APP: variants seen among roughly 807,000 people sequenced by gnomAD.
The protein encoded by APP is amyloid-beta precursor protein.
In APP, 31 loss-of-function variants were observed where a neutral mutation model predicts 101.4. The ratio of observed to expected loss-of-function variants is 0.31; its 90% confidence interval spans 0.23 to 0.41. APP has a LOEUF of 0.41. Ranked by LOEUF, APP falls within the 10% of genes least tolerant of loss-of-function variation. The pLI is 1.00. For synonymous variants in APP, 366 were observed against 364.4 expected (o/e 1.00, Z -0.05); for missense variants, 839 against 1,003.7 (o/e 0.84, Z 2.22).
chr21:25,930,359 C>T (rs1262372231), intron 13 of APP, among the ~76,000 whole-genome samples: 1 of 152,174 alleles, frequency 6.6e-6, no homozygotes, highest in African/African-American at 2.4e-5. Context: ...AGCAAAAACT[C>T]CGCCATGCTG....
intron 13 of APP, among the ~76,000 whole-genome samples, chr21:25,917,560 G>A (rs909859132): frequency 1.3e-5 from 2 of 151,944 alleles, no homozygotes; most frequent in African/African-American, 2.4e-5. Flanking sequence ...AGAATTTAAC[G>A]GTCACATCTT....
intron 11 of APP, among the ~76,000 whole-genome samples, chr21:25,969,905 A>AGAGGGGAGGGGAGGGGAGGGTAAGGGGGG (rs796868333): frequency 1.3e-5 from 1 of 79,360 alleles, no homozygotes; most frequent in Non-Finnish European, 2.3e-5. Context: ...AGAGAAGAGA[A>AGAGGGGAGGGGAGGGGAGGGTAAGGGGGG]GAGGGGAGGG....
chr21:26,104,699 A>G (rs1287545292), intron 2 of APP, among the ~76,000 whole-genome samples: 1 of 152,252 alleles, frequency 6.6e-6, no homozygotes, highest in African/African-American at 2.4e-5. Context: ...GCATGAGACT[A>G]TGAAAGGAGC....
At chr21:25,920,111 C>A (rs2039555289) in intron 13 of APP, among the ~76,000 whole-genome samples, 1 of 137,648 alleles carries the variant, frequency 7.3e-6, no homozygotes, top group Non-Finnish European at 1.6e-5. Context: ...CCCAGAATTT[C>A]ATATCCAGCC....
At chr21:26,055,819 G>C (rs2046018176) in intron 3 of APP, among the ~76,000 whole-genome samples, 1 of 152,162 alleles carries the variant, frequency 6.6e-6, no homozygotes, top group Non-Finnish European at 1.5e-5. Context: ...TACTAAATCA[G>C]TTCGTGAGAA....
intron 9 of APP, among the ~76,000 whole-genome samples, chr21:25,979,549 G>C (rs957128955): frequency 1.1e-4 from 16 of 152,114 alleles, no homozygotes; most frequent in African/African-American, 3.9e-4. Context: ...ATGACCACTG[G>C]AATCTAGTAG....
At chr21:26,025,746 C>T (rs1325261522) in intron 5 of APP, among the ~76,000 whole-genome samples, 1 of 152,178 alleles carries the variant, frequency 6.6e-6, no homozygotes, top group East Asian at 1.9e-4. Context: ...AACGGAGACA[C>T]GTAATAAATA....
At chr21:25,986,662 T>G (rs187597093) in intron 8 of APP, among the ~76,000 whole-genome samples, 2 of 152,292 alleles carry the variant, frequency 1.3e-5, no homozygotes, top group East Asian at 1.9e-4. Context: ...ATCATGCCAG[T>G]GCACCCCAGT....
intron 2 of APP, among the ~76,000 whole-genome samples, chr21:26,104,243 G>A (rs915823593): frequency 6.6e-6 from 1 of 151,502 alleles, no homozygotes; most frequent in Non-Finnish European, 1.5e-5. Flanking sequence ...CTGGGGTTAG[G>A]GTTTCAATAT....
At chr21:26,036,810 C>G (rs141925442) in intron 5 of APP, among the ~76,000 whole-genome samples, 2 of 152,110 alleles carry the variant, frequency 1.3e-5, no homozygotes, top group Non-Finnish European at 2.9e-5. Context: ...AGCTACCATA[C>G]GATCCAGCAA....
intron 1 of APP, among the ~76,000 whole-genome samples, chr21:26,158,476 T>C (rs2063419089): frequency 1.3e-5 from 2 of 152,218 alleles, no homozygotes; most frequent in Admixed American, 1.3e-4. Flanking sequence ...TGCTCCCAGC[T>C]AATAGAGCAC....
intron 8 of APP, among the ~76,000 whole-genome samples, chr21:25,989,111 A>G (rs574124194): frequency 6.6e-6 from 1 of 152,266 alleles, no homozygotes; most frequent in Non-Finnish European, 1.5e-5. Context: ...CCAACGAAAC[A>G]TTTTCCATAC....
Position 26,103,319 on chromosome 21 carries a change from C to T in APP, c.225+8660G>A, listed in dbSNP as rs45591631. 1.4e-3 allele frequency among the ~76,000 whole-genome samples: 208 copies of T among 152,174 alleles called. 1 individual carries two copies. Among genetic ancestry groups the T allele is most frequent in the Admixed American group, 0.011 (168 of 15,294 alleles). ...CCTAAACATGTCTTTAGAATTCTGT[C>T]GATGGAAGGCTGGGTGCAGTGGCTC... On this transcript the variant is annotated intron_variant, in intron 2 of 17. Transcript: ENST00000346798.
chr21:26,134,218 T>C (rs1023291948), intron 1 of APP, among the ~76,000 whole-genome samples: 1 of 151,964 alleles, frequency 6.6e-6, no homozygotes, highest in African/African-American at 2.4e-5. Flanking sequence ...ATGCCAATAA[T>C]GGATGCCAGC....
chr21:25,895,300 G>A (rs576053195), intron 16 of APP, among the ~76,000 whole-genome samples: 63 of 151,900 alleles, frequency 4.1e-4, no homozygotes, highest in Non-Finnish European at 6.9e-4. Context: ...CGAGTAGCTG[G>A]GACTACAGGC....
chr21:26,088,294 T>A (rs1425791850), intron 3 of APP, among the ~76,000 whole-genome samples: 1 of 152,214 alleles, frequency 6.6e-6, no homozygotes, highest in Non-Finnish European at 1.5e-5. Context: ...CATCTTTCCA[T>A]CAACTTTAAT....
chr21:26,049,945 A>T (rs2045769144), intron 5 of APP, among the ~76,000 whole-genome samples: 1 of 152,216 alleles, frequency 6.6e-6, no homozygotes, highest in Non-Finnish European at 1.5e-5. Flanking sequence ...AAATGAAGGT[A>T]ACTAGGAAGG....
intron 1 of APP, among the ~76,000 whole-genome samples, chr21:26,159,282 T>C (rs959550693): frequency 2.6e-5 from 4 of 152,168 alleles, no homozygotes; most frequent in African/African-American, 4.8e-5. Context: ...GGTTTCACCA[T>C]GTTAGCCAGG....
At chr21:26,149,163 T>C (rs2063212218) in intron 1 of APP, among the ~76,000 whole-genome samples, 1 of 152,204 alleles carries the variant, frequency 6.6e-6, no homozygotes, top group African/African-American at 2.4e-5. Flanking sequence ...AAGGCTTGCT[T>C]ACTTAGGAGG....
Sources: allele counts gnomAD v4.1 joint callset (sites outside exome capture counted in the v4.1 genomes callset), GRCh38; gene constraint gnomAD v4.1.1; transcripts MANE v1.5; gene names NCBI Gene and HGNC (gene_info 2026-07-23, HGNC 2026-07-21).